The following OARD1 variants were observed in gnomAD, a reference collection of about 807,000 sequenced individuals.
OARD1 encodes the protein O-acyl-ADP-ribose deacylase 1, also known as ADP-ribose glycohydrolase OARD1.
A neutral mutation model predicts 19.7 loss-of-function variants in OARD1; 19 were observed. The observed-to-expected ratio is 0.96, with a 90% CI of 0.67 to 1.41. The LOEUF (loss-of-function observed/expected upper bound fraction) is 1.41. Among genes scored for constraint, OARD1 ranks in the 40% most tolerant of loss-of-function variants. The probability of loss-of-function intolerance (pLI) is 0.00; values close to 1 mark genes in which losing one functional copy is unlikely to be tolerated. For missense variants in OARD1, 190 were observed against 183.8 expected, an observed-to-expected ratio of 1.03 and a Z score of -0.20; for synonymous variants, 70 against 61.8, an observed-to-expected ratio of 1.13 and a Z score of -0.62.
At chr6:41,096,030 T>G (rs918388622) in intron 1 of OARD1, among the ~76,000 whole-genome samples, 6 of 152,208 alleles carry the variant, frequency 3.9e-5, no homozygotes, top group African/African-American at 1.4e-4. Context: ...TCCATCAAAT[T>G]AATCTCCAGT....
intron 1 of OARD1, among the ~76,000 whole-genome samples, chr6:41,085,227 A>C (rs1402930363): frequency 6.6e-6 from 1 of 152,234 alleles, no homozygotes; most frequent in Admixed American, 6.5e-5. Flanking sequence ...AATCTGTCCT[A>C]TAGGAAGAAA....
At chr6:41,068,088 TA>T (rs200380090) in intron 5 of OARD1, among the ~76,000 whole-genome samples, 30 of 151,430 alleles carry the variant, frequency 2.0e-4, no homozygotes, top group Admixed American at 5.3e-4. Context: ...GAATTGTGAT[TA>T]AAAAAAAAGT....
intron 1 of OARD1, chr6:41,089,644 G>C: frequency 1.2e-6 from 2 of 1,612,698 alleles, no homozygotes; most frequent in Non-Finnish European, 1.7e-6. Flanking sequence ...TGCAGGGCCA[G>C]CAGGGCCAGA....
intron 3 of OARD1, among the ~76,000 whole-genome samples, chr6:41,070,387 C>A (rs1179733065): frequency 1.3e-5 from 2 of 152,216 alleles, no homozygotes; most frequent in Non-Finnish European, 2.9e-5. Flanking sequence ...ACCACTACTA[C>A]TTTTAAATAT....
chr6:41,084,369 T>A (rs1490744484), intron 1 of OARD1, among the ~76,000 whole-genome samples: 3 of 152,206 alleles, frequency 2.0e-5, no homozygotes, highest in African/African-American at 7.2e-5. Flanking sequence ...TATGCAGAAA[T>A]TGGACAGCTC....
chr6:41,076,271 A>G (rs1763731750), upstream of OARD1, among the ~76,000 whole-genome samples: 2 of 152,220 alleles, frequency 1.3e-5, no homozygotes, highest in African/African-American at 4.8e-5. Context: ...AGAAAATACC[A>G]AAGTGCATCT....
At chr6:41,095,861 TTAAG>T (rs1764339271) in intron 1 of OARD1, among the ~76,000 whole-genome samples, 1 of 152,374 alleles carries the variant, frequency 6.6e-6, no homozygotes, top group South Asian at 2.1e-4. Flanking sequence ...TTAATTCTAT[TTAAG>T]TAAGTTGTAT....
At chr6:41,080,683 G>C (rs1320586682) in intron 1 of OARD1, 4 of 670,418 alleles carry the variant, frequency 6.0e-6, no homozygotes, top group East Asian at 5.2e-5. Context: ...CTTCAATATA[G>C]GGAGTCTGTA....
chr6:41,070,527 G>A (rs1248919386), intron 3 of OARD1, among the ~76,000 whole-genome samples: 1 of 152,184 alleles, frequency 6.6e-6, no homozygotes, highest in Non-Finnish European at 1.5e-5. Flanking sequence ...AAGGCATTAT[G>A]AGGAATACAG....
intron 1 of OARD1, chr6:41,093,007 A>C: frequency 6.2e-7 from 1 of 1,614,184 alleles, no homozygotes; most frequent in Non-Finnish European, 8.5e-7. Flanking sequence ...TGAATGCCAA[A>C]CAATACCACC....
chr6:41,095,790 C>CTAGACTGTAAGTTGTA (rs1232579490), intron 1 of OARD1, among the ~76,000 whole-genome samples: 3 of 152,176 alleles, frequency 2.0e-5, no homozygotes, highest in Admixed American at 6.5e-5. Flanking sequence ...GTTTCCTTCA[C>CTAGACTGTAAGTTGTA]TAGACTGTAA....
intron 3 of OARD1, 45 bp downstream of exon 3, chr6:41,071,087 G>C: frequency 6.3e-7 from 1 of 1,589,542 alleles, no homozygotes; most frequent in Non-Finnish European, 8.6e-7. Flanking sequence ...AGATTAAAAG[G>C]TGCTCTAGCC....
At position 41,068,691 on chromosome 6, in the gene OARD1, A is replaced by G; in HGVS notation, c.356+150T>C. 5.9e-6 allele frequency: 3 copies of G among 512,458 alleles called. No homozygotes were observed. In the East Asian group the frequency reaches 9.9e-5, roughly 17 times the overall value. The allele number at this position is 512,458 out of a possible 1,614,324, so 31.7% of individuals were successfully genotyped here. ...CTGTGCCTTAGTCTAAAGCCAGACA[A>G]CTGGTTCACTGGTGGTTTTACAAAA... On this transcript the variant is annotated intron_variant, in intron 5 of 5. Coordinates refer to ENST00000424266, the MANE Select transcript of OARD1 (RefSeq NM_001329686.2).
rs1221425234 is a variant in OARD1 at position 41,070,085 on chromosome 6, T to C, written c.234A>G (p.Ile78Met). Residue 78 changes from isoleucine (I) to methionine (M), a missense_variant, in exon 4 of 6, where the codon ATA (isoleucine) becomes ATG (methionine). Ile to Met is a conservative substitution (Grantham distance 10, BLOSUM62 1). Transcript: ENST00000424266. The stretch of plus-strand genomic sequence containing the variant: ...ATTGGCCCCATCTTACCAAGTAATA[T>C]ATATATCGCCCATCTCTCTTCAGAA... ...VAVLKRDGRY[I>M]YYLITKKRAS... is the part of the protein sequence containing the mutation. 3 of 1,587,548 alleles carry C rather than the reference T, an allele frequency of 1.9e-6. No homozygotes were observed. The highest frequency in any genetic ancestry group is 1.3e-5 in the African/African-American group (1 of 74,562).
rs371499140 is a variant in OARD1 at position 41,092,905 on chromosome 6, C to G, written c.-42+4808G>C. Reference sequence around the variant, plus strand: ...CACCAATAAGCTCTGGTTTCCTGTTCACACAGATGGTTCCTGGGGCTGGCT... The same window carrying G: ...CACCAATAAGCTCTGGTTTCCTGTTGACACAGATGGTTCCTGGGGCTGGCT... On this transcript the variant is annotated intron_variant, in intron 1 of 4. Coordinates refer to the OARD1 transcript ENST00000480585. The G allele has an allele frequency of 5.0e-6, 8 of 1,611,874 alleles. No individual in the cohort carries two copies. In the African/African-American group the frequency reaches 8.0e-5, roughly 16 times the overall value.
At chr6:41,074,108 T>G (rs541252686), upstream of OARD1, among the ~76,000 whole-genome samples, 152 of 152,048 alleles carry the variant, frequency 1.0e-3, 3 homozygotes, top group South Asian at 0.027. Flanking sequence ...GTTTTGGGGG[T>G]TTTTTTTCCC....
intron 1 of OARD1, among the ~76,000 whole-genome samples, chr6:41,096,669 G>T (rs547664324): frequency 6.6e-6 from 1 of 152,328 alleles, no homozygotes; most frequent in African/African-American, 2.4e-5. Flanking sequence ...CAGAGCCTTG[G>T]TATGGGGGAA....
At chr6:41,067,689 T>C (rs772597080) in intron 5 of OARD1, among the ~76,000 whole-genome samples, 1 of 152,248 alleles carries the variant, frequency 6.6e-6, no homozygotes, top group Non-Finnish European at 1.5e-5. Context: ...TATTTCATGC[T>C]ACATTTAGAA....
chr6:41,079,171 A>T (rs1356667181), intron 1 of OARD1: 2 of 1,613,832 alleles, frequency 1.2e-6, no homozygotes, highest in African/African-American at 1.3e-5. Context: ...GCAGGTATGG[A>T]AGCAAAACTG....
Sources: gnomAD v4.1 joint callset for allele counts (sites outside exome capture counted in the v4.1 genomes callset) on GRCh38, gnomAD v4.1.1 for gene constraint, MANE v1.5 for transcripts, NCBI Gene and HGNC (gene_info 2026-07-23, HGNC 2026-07-21) for gene names.